The following ATG7 variants were observed in gnomAD, a reference collection of about 807,000 sequenced individuals.
ATG7 encodes autophagy related 7.
In ATG7, 70 loss-of-function variants were observed where a neutral mutation model predicts 82.4. That is an observed-to-expected ratio of 0.85 (90% CI 0.70 to 1.04). The LOEUF (loss-of-function observed/expected upper bound fraction) is 1.04. ATG7 is among the 50% of genes least tolerant of loss of function. The probability of loss-of-function intolerance (pLI) is 0.00; values close to 1 mark genes in which losing one functional copy is unlikely to be tolerated. For synonymous variants in ATG7, 287 were observed against 313.0 expected (o/e 0.92, Z 0.88); for missense variants, 792 against 864.3 (o/e 0.92, Z 1.05).
Position 11,290,105 on chromosome 3 carries a change from A to T in ATG7, c.-11+7667A>T, listed in dbSNP as rs558364584. Among the ~76,000 whole-genome samples, 7 of 152,292 alleles carry T rather than the reference A, an allele frequency of 4.6e-5. No individual in the cohort carries two copies. The South Asian group carries it at 1.5e-3, about 32-fold the overall frequency. On this transcript the variant is annotated intron_variant, in intron 3 of 20. Transcript: ENST00000693202. ...ATTCACAGGGTAGGGCTCCCCTCCA[A>T]TTAGTGTTCCAGCTCACTTTTGCTA... is the stretch of plus-strand genomic sequence containing the variant.
At chr3:11,386,369 A>G (rs1186802717) in intron 19 of ATG7, among the ~76,000 whole-genome samples, 1 of 152,224 alleles carries the variant, frequency 6.6e-6, no homozygotes, top group Admixed American at 6.5e-5. Flanking sequence ...TGATGTCAAC[A>G]CTTCTTGACT....
chr3:11,481,276 C>T (rs746660946), intron 20 of ATG7, among the ~76,000 whole-genome samples: 3 of 152,166 alleles, frequency 2.0e-5, no homozygotes, highest in Admixed American at 6.5e-5. Flanking sequence ...ATGCACTTAA[C>T]GCTACTGAAC....
At chr3:11,387,333 A>G (rs1214974169) in intron 19 of ATG7, among the ~76,000 whole-genome samples, 1 of 152,100 alleles carries the variant, frequency 6.6e-6, no homozygotes. Flanking sequence ...GTTACTTTTG[A>G]CCTGTGGTTT....
chr3:11,318,948 A>G (rs1949828205), intron 9 of ATG7, among the ~76,000 whole-genome samples: 1 of 152,090 alleles, frequency 6.6e-6, no homozygotes, highest in Non-Finnish European at 1.5e-5. Context: ...CCTAGCACTG[A>G]CTAGTCTCCA....
chr3:11,310,035 G>A (rs560360570), intron 7 of ATG7, among the ~76,000 whole-genome samples: 45 of 151,982 alleles, frequency 3.0e-4, no homozygotes, highest in African/African-American at 1.1e-3. Flanking sequence ...GTGTGGTGGC[G>A]CCTGCCTGTG....
intron 20 of ATG7, among the ~76,000 whole-genome samples, chr3:11,551,067 G>A (rs1203421033): frequency 6.6e-6 from 1 of 151,952 alleles, no homozygotes; most frequent in Non-Finnish European, 1.5e-5. Flanking sequence ...CTATCTTTTC[G>A]TAATGAGCCG....
At chr3:11,511,293 C>T (rs924212425) in intron 20 of ATG7, among the ~76,000 whole-genome samples, 25 of 152,086 alleles carry the variant, frequency 1.6e-4, no homozygotes, top group Non-Finnish European at 3.2e-4. Context: ...CTGATTGGTG[C>T]GTTTACAATC....
chr3:11,299,382 G>C lies in ATG7; in HGVS notation c.181G>C (p.Ala61Pro), dbSNP rs1464227405. Residue 61 changes from alanine to proline, a missense_variant, in exon 5 of 21, where the codon GCT becomes CCT. Coordinates refer to ENST00000693202, the MANE Select transcript of ATG7 (RefSeq NM_001349232.2). The stretch of plus-strand genomic sequence containing the variant: ...TCCAGGTGACTCTGCTGGGCTGCCA[G>C]CTCGCTTAACATTGGAGTTCAGTGC... ...YYNGDSAGLP[A>P]RLTLEFSAFD... 1.2e-6 allele frequency: 2 copies of C among 1,612,898 alleles called. No individual in the cohort carries two copies. Among genetic ancestry groups the C allele is most frequent in the Non-Finnish European group, 8.5e-7 (1 of 1,178,908 alleles).
At chr3:11,309,757 ATATC>A (rs1948365839) in intron 7 of ATG7, among the ~76,000 whole-genome samples, 1 of 152,196 alleles carries the variant, frequency 6.6e-6, no homozygotes, top group Non-Finnish European at 1.5e-5. Flanking sequence ...GTGTGTATAT[ATATC>A]TGTGTATATA....
chr3:11,432,612 T>A (rs2152954145), intron 20 of ATG7, among the ~76,000 whole-genome samples: 1 of 151,908 alleles, frequency 6.6e-6, no homozygotes, highest in South Asian at 2.1e-4. Context: ...CTTATCTACA[T>A]AACCAAAAAT....
At chr3:11,539,859 A>C (rs937873211) in intron 20 of ATG7, among the ~76,000 whole-genome samples, 1 of 152,372 alleles carries the variant, frequency 6.6e-6, no homozygotes, top group Non-Finnish European at 1.5e-5. Flanking sequence ...CCTGCCCTGC[A>C]CAGCCGCCTG....
intron 19 of ATG7, among the ~76,000 whole-genome samples, chr3:11,399,119 A>G (rs2079570288): frequency 6.6e-6 from 1 of 152,198 alleles, no homozygotes; most frequent in Non-Finnish European, 1.5e-5. Flanking sequence ...AGGCTGAGAT[A>G]GGCGGATCAC....
chr3:11,503,141 T>C (rs2091463451), intron 20 of ATG7, among the ~76,000 whole-genome samples: 1 of 152,116 alleles, frequency 6.6e-6, no homozygotes, highest in Non-Finnish European at 1.5e-5. Flanking sequence ...TCTGACCAGC[T>C]CAAAAGAGCA....
At chr3:11,479,107 C>T (rs569556459) in intron 20 of ATG7, among the ~76,000 whole-genome samples, 4 of 151,890 alleles carry the variant, frequency 2.6e-5, no homozygotes, top group Admixed American at 6.6e-5. Flanking sequence ...TTCTCAATGG[C>T]AGGCTCCAGC....
intron 14 of ATG7, among the ~76,000 whole-genome samples, chr3:11,352,707 T>C (rs1439324796): frequency 1.1e-4 from 16 of 152,240 alleles, no homozygotes; most frequent in Admixed American, 1.0e-3. Context: ...TGAATTATAA[T>C]TGAAATACTA....
intron 9 of ATG7, among the ~76,000 whole-genome samples, chr3:11,316,634 G>A (rs1314593269): frequency 6.6e-6 from 1 of 152,158 alleles, no homozygotes; most frequent in East Asian, 1.9e-4. Flanking sequence ...AAGAGGGCAG[G>A]GCCCAAGTCT....
chr3:11,471,312 ACTT>A (rs1206927366), intron 20 of ATG7, among the ~76,000 whole-genome samples: 3 of 151,850 alleles, frequency 2.0e-5, no homozygotes, highest in Non-Finnish European at 4.4e-5. Context: ...GCAAACACCT[ACTT>A]GGTCTTCAAG....
intron 20 of ATG7, among the ~76,000 whole-genome samples, chr3:11,506,082 T>G (rs1241796390): frequency 6.6e-6 from 1 of 152,218 alleles, no homozygotes; most frequent in Non-Finnish European, 1.5e-5. Context: ...GTTAGTGAGT[T>G]TGTGTATTTT....
the ATG7 span, among the ~76,000 whole-genome samples, chr3:11,563,503 A>T: frequency 6.6e-6 from 1 of 152,146 alleles, no homozygotes; most frequent in African/African-American, 2.4e-5. Context: ...TTCCCCAATT[A>T]GACTGGGAGC....
Sources: allele counts gnomAD v4.1 joint callset (sites outside exome capture counted in the v4.1 genomes callset), GRCh38; gene constraint gnomAD v4.1.1; transcripts MANE v1.5; gene names NCBI Gene and HGNC (gene_info 2026-07-23, HGNC 2026-07-21).